Variants in CLMP observed in about 807,000 individuals in gnomAD.
The protein encoded by CLMP is CXADR-like membrane protein.
In CLMP, 27 loss-of-function variants were observed where a neutral mutation model predicts 45.2. The ratio of observed to expected loss-of-function variants is 0.60; its 90% CI spans 0.44 to 0.82. The LOEUF is 0.82. CLMP is among the 40% of genes least tolerant of loss of function. The pLI is 0.00. For synonymous variants in CLMP, 167 were observed against 171.4 expected, an observed-to-expected ratio of 0.97 and a Z score of 0.20; for missense variants, 403 against 448.4, an observed-to-expected ratio of 0.90 and a Z score of 0.91.
chr11:123,110,922 T>G (rs77295318), intron 1 of CLMP, among the ~76,000 whole-genome samples: 2,780 of 152,156 alleles, frequency 0.018, 85 homozygotes, highest in African/African-American at 0.063. Flanking sequence ...AGTGTGTGAG[T>G]AGCTGTAAAG....
chr11:123,193,697 A>T (rs200272513), intron 1 of CLMP, among the ~76,000 whole-genome samples: 1 of 152,032 alleles, frequency 6.6e-6, no homozygotes, highest in African/African-American at 2.4e-5. Context: ...AACTCTAACC[A>T]CGTATTTCAG....
At chr11:123,085,115 C>T (rs573006918) in intron 2 of CLMP, among the ~76,000 whole-genome samples, 8 of 150,872 alleles carry the variant, frequency 5.3e-5, no homozygotes, top group Non-Finnish European at 1.0e-4. Context: ...AAAGAAACCT[C>T]GGGACCCCTC....
At chr11:123,082,592 C>T (rs1272578026) in intron 5 of CLMP, among the ~76,000 whole-genome samples, 1 of 148,738 alleles carries the variant, frequency 6.7e-6, no homozygotes, top group African/African-American at 2.5e-5. Context: ...TGAGCCGCCA[C>T]GCTGGGCTGG....
chr11:123,168,918 C>T (rs1227471858), intron 1 of CLMP, among the ~76,000 whole-genome samples: 4 of 152,188 alleles, frequency 2.6e-5, no homozygotes, highest in Non-Finnish European at 4.4e-5. Context: ...ACAGAACGTG[C>T]GGCATCCAAG....
chr11:123,124,762 C>A (rs1860865524), intron 1 of CLMP, among the ~76,000 whole-genome samples: 1 of 152,140 alleles, frequency 6.6e-6, no homozygotes, highest in Admixed American at 6.5e-5. Context: ...GGGTCTTGGG[C>A]AGTGAGACAG....
chr11:123,100,877 G>C (rs533782982), intron 1 of CLMP, among the ~76,000 whole-genome samples: 3 of 151,762 alleles, frequency 2.0e-5, no homozygotes, highest in African/African-American at 4.8e-5. Flanking sequence ...TCAATACCAG[G>C]TCACGGGCTG....
chr11:123,170,980 A>G (rs1410499687), intron 1 of CLMP, among the ~76,000 whole-genome samples: 1 of 152,194 alleles, frequency 6.6e-6, no homozygotes, highest in African/African-American at 2.4e-5. Context: ...ACGTTCGAAT[A>G]CATTTATCAC....
At chr11:123,160,026 C>T (rs571730506) in intron 1 of CLMP, among the ~76,000 whole-genome samples, 5 of 152,044 alleles carry the variant, frequency 3.3e-5, no homozygotes, top group African/African-American at 4.8e-5. Flanking sequence ...CGCCTGCAAT[C>T]CCAGCAGTTT....
intron 4 of CLMP, 135 bp from the exon 5 acceptor site, chr11:123,083,342 T>C (rs143477843): frequency 4.3e-5 from 41 of 950,022 alleles, no homozygotes; most frequent in Middle Eastern, 6.0e-4. Flanking sequence ...AGATATCCTT[T>C]GGGAACATGA....
chr11:123,083,448 A>G lies in CLMP; in HGVS notation c.556+232T>C, dbSNP rs146760021. ...GGGATACTAAACATAATATTTAGAT[A>G]TAGTGGATTTATGTAGTACATTTCT... On this transcript the variant is annotated intron_variant, in intron 4 of 6. Coordinates refer to ENST00000448775, the MANE Select transcript of CLMP (RefSeq NM_024769.5). Among the ~76,000 whole-genome samples, 60 of 152,344 alleles carry G rather than the reference A, an allele frequency of 3.9e-4. 1 individual carries two copies. The East Asian group carries it at 9.8e-3, about 25-fold the overall frequency.
intron 1 of CLMP, among the ~76,000 whole-genome samples, chr11:123,193,338 T>G (rs1861933529): frequency 6.6e-6 from 1 of 152,234 alleles, no homozygotes. Flanking sequence ...ACCAAGATAG[T>G]ACATATAAAG....
intron 1 of CLMP, among the ~76,000 whole-genome samples, chr11:123,138,676 T>G (rs1487070131): frequency 2.1e-5 from 3 of 141,626 alleles, no homozygotes; most frequent in African/African-American, 8.0e-5. Flanking sequence ...TTATTTGAGA[T>G]GAAGTCTTGC....
intron 1 of CLMP, among the ~76,000 whole-genome samples, chr11:123,099,110 G>A (rs1415397178): frequency 6.6e-6 from 1 of 152,150 alleles, no homozygotes; most frequent in Non-Finnish European, 1.5e-5. Flanking sequence ...AGAATTGCAG[G>A]CATGAGCCAC....
chr11:123,175,809 T>C (rs1323185662), intron 1 of CLMP, among the ~76,000 whole-genome samples: 1 of 152,232 alleles, frequency 6.6e-6, no homozygotes, highest in Non-Finnish European at 1.5e-5. Flanking sequence ...AGATCCTGCA[T>C]AGAAAGAGCT....
At chr11:123,128,749 T>C (rs1860938514) in intron 1 of CLMP, among the ~76,000 whole-genome samples, 1 of 152,212 alleles carries the variant, frequency 6.6e-6, no homozygotes. Context: ...TTTGACCTTT[T>C]TCTCAAATTG....
At chr11:123,169,187 T>C (rs1342792135) in intron 1 of CLMP, among the ~76,000 whole-genome samples, 1 of 152,166 alleles carries the variant, frequency 6.6e-6, no homozygotes, top group African/African-American at 2.4e-5. Context: ...AGATTTTGCT[T>C]TGGCTCTGAG....
At chr11:123,131,585 A>G in intron 1 of CLMP, among the ~76,000 whole-genome samples, 1 of 151,866 alleles carries the variant, frequency 6.6e-6, no homozygotes, top group Non-Finnish European at 1.5e-5. Context: ...CCTGATTCTG[A>G]CCTTAATCTA....
At chr11:123,113,078 C>T (rs182187461) in intron 1 of CLMP, among the ~76,000 whole-genome samples, 1 of 152,298 alleles carries the variant, frequency 6.6e-6, no homozygotes, top group Admixed American at 6.5e-5. Flanking sequence ...CACCCAGTAC[C>T]CAATTTTTAA....
chr11:123,124,947 A>G (rs1427183770), intron 1 of CLMP, among the ~76,000 whole-genome samples: 6 of 152,254 alleles, frequency 3.9e-5, no homozygotes, highest in Admixed American at 3.9e-4. Flanking sequence ...CCCAGGCTGG[A>G]GTGCAGTGGT....
Sources: gnomAD v4.1 joint callset for allele counts (sites outside exome capture counted in the v4.1 genomes callset) on GRCh38, gnomAD v4.1.1 for gene constraint, MANE v1.5 for transcripts, NCBI Gene and HGNC (gene_info 2026-07-23, HGNC 2026-07-21) for gene names.